FER: variants seen among roughly 807,000 people sequenced by gnomAD.
FER encodes the protein FER tyrosine kinase, also known as tyrosine-protein kinase Fer.
A neutral mutation model predicts 111.0 loss-of-function variants in FER; 63 were observed. The observed-to-expected ratio is 0.57, with a 90% CI of 0.46 to 0.70. The LOEUF (loss-of-function observed/expected upper bound fraction) is 0.70. FER is among the 30% of genes least tolerant of loss of function. The pLI, the probability that FER is intolerant of heterozygous loss-of-function variation, is 0.00. For missense variants in FER, 914 were observed against 954.0 expected, an observed-to-expected ratio of 0.96 and a Z score of 0.55; for synonymous variants, 327 against 313.9, an observed-to-expected ratio of 1.04 and a Z score of -0.44.
At chr5:109,177,963 G>A (rs2126837897) in intron 17 of FER, among the ~76,000 whole-genome samples, 1 of 152,300 alleles carries the variant, frequency 6.6e-6, no homozygotes, top group East Asian at 1.9e-4. Context: ...TGTGTGAAGA[G>A]GCTGGGAGTA....
intron 13 of FER, among the ~76,000 whole-genome samples, chr5:109,019,384 C>T (rs1767628218): frequency 6.6e-6 from 1 of 151,808 alleles, no homozygotes; most frequent in Non-Finnish European, 1.5e-5. Flanking sequence ...TAGTAACTTT[C>T]TCTCAAGTAA....
At chr5:109,018,217 A>G (rs1294185030) in intron 13 of FER, among the ~76,000 whole-genome samples, 2 of 151,852 alleles carry the variant, frequency 1.3e-5, no homozygotes, top group African/African-American at 2.4e-5. Context: ...CAAATTTTCC[A>G]TGAAAATTGC....
At chr5:108,990,249 A>C (rs1236645228) in intron 13 of FER, among the ~76,000 whole-genome samples, 2 of 151,950 alleles carry the variant, frequency 1.3e-5, no homozygotes, top group Non-Finnish European at 2.9e-5. Flanking sequence ...TGATTTTGCT[A>C]GCTTGTTTTA....
intron 17 of FER, among the ~76,000 whole-genome samples, chr5:109,170,111 T>C (rs1313442830): frequency 1.3e-5 from 2 of 152,188 alleles, no homozygotes; most frequent in Non-Finnish European, 1.5e-5. Flanking sequence ...TATATCTTAA[T>C]TTAGGTCTTA....
intron 13 of FER, among the ~76,000 whole-genome samples, chr5:109,035,726 A>G (rs548862127): frequency 6.6e-6 from 1 of 152,262 alleles, no homozygotes; most frequent in Non-Finnish European, 1.5e-5. Context: ...CCAAACGCAA[A>G]AATGCTTTTT....
chr5:108,792,665 CT>C (rs774742038), intron 2 of FER, among the ~76,000 whole-genome samples: 3 of 151,488 alleles, frequency 2.0e-5, no homozygotes, highest in Non-Finnish European at 2.9e-5. Context: ...GTGTCTTAAG[CT>C]TACAAGTTTT....
At chr5:108,977,807 C>T (rs140669726) in intron 13 of FER, among the ~76,000 whole-genome samples, 215 of 152,264 alleles carry the variant, frequency 1.4e-3, no homozygotes, top group Non-Finnish European at 2.5e-3. Flanking sequence ...AGGCCTTCAG[C>T]AATGTGGGTC....
chr5:108,993,905 A>C (rs879381619), intron 13 of FER, among the ~76,000 whole-genome samples: 6 of 151,776 alleles, frequency 4.0e-5, no homozygotes, highest in Non-Finnish European at 7.4e-5. Flanking sequence ...TTTCATGTTT[A>C]TTAGCCCCTT....
chr5:108,932,624 T>G (rs1754849727), intron 10 of FER, among the ~76,000 whole-genome samples: 1 of 152,200 alleles, frequency 6.6e-6, no homozygotes. Flanking sequence ...GTGAACTAAT[T>G]TACACTCCCA....
At chr5:108,965,761 A>G (rs1393607069) in intron 13 of FER, among the ~76,000 whole-genome samples, 1 of 152,178 alleles carries the variant, frequency 6.6e-6, no homozygotes, top group Non-Finnish European at 1.5e-5. Flanking sequence ...CTATACTCCA[A>G]TATTTTAGCA....
chr5:108,859,405 C>T (rs376774639), intron 5 of FER, among the ~76,000 whole-genome samples: 49 of 152,178 alleles, frequency 3.2e-4, no homozygotes, highest in Middle Eastern at 3.4e-3. Context: ...ATTTGGTCTT[C>T]GTAAAGGCTT....
At chr5:108,993,590 G>A (rs1412853544) in intron 13 of FER, among the ~76,000 whole-genome samples, 1 of 147,778 alleles carries the variant, frequency 6.8e-6, no homozygotes, top group Non-Finnish European at 1.5e-5. Context: ...AGAGGGAGAG[G>A]GAGAGGGCGA....
intron 16 of FER, chr5:109,051,191 T>C (rs751180116): frequency 2.8e-6 from 2 of 701,812 alleles, no homozygotes; most frequent in Non-Finnish European, 5.1e-6. Flanking sequence ...TTTCTAAGCC[T>C]CATGAATAAG....
intron 13 of FER, among the ~76,000 whole-genome samples, chr5:109,001,195 A>T (rs1380165420): frequency 6.6e-6 from 1 of 152,140 alleles, no homozygotes; most frequent in Non-Finnish European, 1.5e-5. Flanking sequence ...AGAATTTTAG[A>T]CCAATACCCT....
intron 14 of FER, among the ~76,000 whole-genome samples, chr5:109,044,262 C>G (rs1481375473): frequency 6.6e-6 from 1 of 151,456 alleles, no homozygotes; most frequent in African/African-American, 2.4e-5. Context: ...CACTGCAAGC[C>G]CTGCCTCCCG....
At chr5:109,147,261 G>C (rs1754326728) in intron 17 of FER, among the ~76,000 whole-genome samples, 1 of 152,020 alleles carries the variant, frequency 6.6e-6, no homozygotes, top group Admixed American at 6.6e-5. Flanking sequence ...AAATTGGCAA[G>C]AATTTAAAAG....
chr5:109,127,119 A>T (rs1251293522), intron 17 of FER, among the ~76,000 whole-genome samples: 1 of 152,216 alleles, frequency 6.6e-6, no homozygotes, highest in African/African-American at 2.4e-5. Context: ...ATAAATATGT[A>T]TTGGCATTTA....
intron 10 of FER, among the ~76,000 whole-genome samples, chr5:108,927,670 C>T (rs190193905): frequency 1.4e-3 from 211 of 152,270 alleles, no homozygotes; most frequent in African/African-American, 5.0e-3. Flanking sequence ...TGCTCATTGT[C>T]GAAATCTTTG....
At chr5:108,946,338 AT>A in intron 11 of FER, 116 bp downstream of exon 11, 1 of 611,262 alleles carries the variant, frequency 1.6e-6, no homozygotes, top group Non-Finnish European at 2.7e-6. Flanking sequence ...ATATACATAT[AT>A]AAATTTGCAC....
Sources: allele counts gnomAD v4.1 joint callset (sites outside exome capture counted in the v4.1 genomes callset), GRCh38; gene constraint gnomAD v4.1.1; transcripts MANE v1.5; gene names NCBI Gene and HGNC (gene_info 2026-07-23, HGNC 2026-07-21).